The following PCGF5 variants were observed in gnomAD, a reference collection of about 807,000 sequenced individuals.
PCGF5 encodes the protein polycomb group ring finger 5.
PCGF5 carries 9 observed loss-of-function variants against 44.3 expected under a neutral mutation model. That is an observed-to-expected ratio of 0.20 (90% confidence interval 0.12 to 0.35). The LOEUF (loss-of-function observed/expected upper bound fraction) is 0.35, where lower values mean the gene tolerates loss of function less well. Among genes scored for constraint, PCGF5 ranks in the 10% least tolerant of loss-of-function variants. PCGF5 has a pLI of 1.00. For synonymous variants in PCGF5, 95 were observed against 102.5 expected (o/e 0.93, Z 0.44); for missense variants, 146 against 305.3 (o/e 0.48, Z 3.89).
At position 91,222,827 on chromosome 10, in the gene PCGF5, C is replaced by T; in HGVS notation, c.-45C>T. On this transcript the variant is annotated 5_prime_UTR_variant, in exon 2 of 10. Transcript: ENST00000336126. Reference sequence around the variant, plus strand: ...GGATCAGACTTTCATCTACTTAGGACCCCTCTTTGCCCAGACTACTAAAGC... The same window carrying T: ...GGATCAGACTTTCATCTACTTAGGATCCCTCTTTGCCCAGACTACTAAAGC... The T allele has an allele frequency of 8.6e-7, 1 of 1,168,466 alleles. No homozygotes were observed. The highest frequency in any genetic ancestry group is 1.3e-6 in the Non-Finnish European group (1 of 776,048). The allele number at this position is 1,168,466 out of a possible 1,614,324, so 72.4% of individuals were successfully genotyped here. A position where few individuals can be genotyped will look rare whatever the true frequency, so the allele number is the denominator to read the frequency against.
chr10:91,239,915 T>C (rs533093081), intron 2 of PCGF5, among the ~76,000 whole-genome samples: 21 of 152,212 alleles, frequency 1.4e-4, no homozygotes, highest in Non-Finnish European at 2.4e-4. Context: ...CCCAACTTGA[T>C]ACCATTATTC....
chr10:91,228,424 A>C (rs185741176), intron 2 of PCGF5, among the ~76,000 whole-genome samples: 6 of 152,156 alleles, frequency 3.9e-5, no homozygotes, highest in Non-Finnish European at 8.8e-5. Context: ...TCTGTGGTAC[A>C]GAAAAGGAAA....
intron 1 of PCGF5, among the ~76,000 whole-genome samples, chr10:91,192,271 G>A (rs932966387): frequency 6.6e-6 from 1 of 152,226 alleles, no homozygotes; most frequent in South Asian, 2.1e-4. Flanking sequence ...ATACATTTGA[G>A]ACAAGATTAA....
intron 6 of PCGF5, among the ~76,000 whole-genome samples, chr10:91,260,574 C>T (rs373541718): frequency 5.9e-5 from 9 of 151,872 alleles, no homozygotes; most frequent in East Asian, 1.9e-4. Flanking sequence ...TGTCCAACAA[C>T]GATAAACTGG....
chr10:91,227,280 G>A, intron 2 of PCGF5: 1 of 511,936 alleles, frequency 2.0e-6, no homozygotes, highest in South Asian at 1.5e-5. Context: ...TGAGACTTCA[G>A]CTACCTGTGC....
intron 8 of PCGF5, among the ~76,000 whole-genome samples, chr10:91,264,969 G>A (rs1034162423): frequency 4.6e-5 from 7 of 151,980 alleles, no homozygotes; most frequent in Admixed American, 6.6e-5. Context: ...CCTCCTTTTC[G>A]TTGAAAATAT....
At chr10:91,226,122 C>T (rs745694623) in intron 2 of PCGF5, among the ~76,000 whole-genome samples, 1 of 151,654 alleles carries the variant, frequency 6.6e-6, no homozygotes, top group African/African-American at 2.4e-5. Flanking sequence ...AATGAGTAAA[C>T]GCTAGGTTTT....
At chr10:91,182,052 T>C (rs9663247) in intron 1 of PCGF5, among the ~76,000 whole-genome samples, 141,448 of 152,258 alleles carry the variant, frequency 0.93, 65,787 homozygotes, top group African/African-American at 0.97. Flanking sequence ...TTATCAATTT[T>C]TTCTAGATTT....
chr10:91,204,668 T>A (rs1289407684), intron 1 of PCGF5, among the ~76,000 whole-genome samples: 1 of 152,184 alleles, frequency 6.6e-6, no homozygotes, highest in Non-Finnish European at 1.5e-5. Flanking sequence ...GCTCTGAGGA[T>A]AAAAATAGTT....
In PCGF5 at chr10:91,185,494, G is replaced by A. The variant is rs1225196876; in HGVS notation, c.-184+22413G>A. 2.0e-5 allele frequency among the ~76,000 whole-genome samples: 3 copies of A among 152,206 alleles called. No individual in the cohort carries two copies. In the East Asian group the frequency reaches 5.8e-4, roughly 29 times the overall value. The stretch of plus-strand genomic sequence containing the variant: ...TGTCATCCTGTGAGGTGCCGTGGAA[G>A]TGAGGCCCGCTGACCATCACTGCTG... On this transcript the variant is annotated intron_variant, in intron 1 of 9. Coordinates refer to the PCGF5 transcript ENST00000614189.
chr10:91,213,019 C>T (rs187978906), intron 1 of PCGF5, among the ~76,000 whole-genome samples: 72 of 152,284 alleles, frequency 4.7e-4, no homozygotes, highest in African/African-American at 1.7e-3. Context: ...AGTTATACTT[C>T]CTAAGCGCTG....
chr10:91,207,073 C>T (rs1844361382), intron 1 of PCGF5, among the ~76,000 whole-genome samples: 2 of 152,176 alleles, frequency 1.3e-5, no homozygotes, highest in South Asian at 2.1e-4. Flanking sequence ...AACATAGCCT[C>T]GCCCACTGTA....
the PCGF5 span, among the ~76,000 whole-genome samples, chr10:91,156,232 C>G: frequency 0.077 from 11,673 of 152,080 alleles, 511 homozygotes; most frequent in Non-Finnish European, 0.1. Flanking sequence ...GTGCCACATA[C>G]AAGGCAGAAA....
chr10:91,278,149 A>G, intron 9 of PCGF5, 120 bp from the exon 10 acceptor site: 10 of 774,338 alleles, frequency 1.3e-5, no homozygotes, highest in Non-Finnish European at 2.1e-5. Flanking sequence ...TAACTGTTGT[A>G]ATCACTAGTA....
chr10:91,157,764 T>A, the PCGF5 span, among the ~76,000 whole-genome samples: 1 of 152,214 alleles, frequency 6.6e-6, no homozygotes, highest in East Asian at 1.9e-4. Flanking sequence ...GGACACATGA[T>A]AAGAGGATGG....
intron 2 of PCGF5, among the ~76,000 whole-genome samples, chr10:91,231,969 G>T (rs188251928): frequency 6.6e-6 from 1 of 152,174 alleles, no homozygotes. Flanking sequence ...ATGTCCATTT[G>T]GGAGTTGGAC....
chr10:91,264,599 C>A, intron 8 of PCGF5, 79 bp downstream of exon 8: 1 of 1,096,738 alleles, frequency 9.1e-7, no homozygotes. Flanking sequence ...ATATTAGAAA[C>A]TAAAAAAGAC....
chr10:91,176,111 G>GA (rs770426193), intron 1 of PCGF5, among the ~76,000 whole-genome samples: 1 of 152,252 alleles, frequency 6.6e-6, no homozygotes, highest in East Asian at 1.9e-4. Context: ...GCCTGGTGGT[G>GA]AAAAAATCTC....
At chr10:91,230,193 T>G (rs77410927) in intron 2 of PCGF5, among the ~76,000 whole-genome samples, 1 of 152,194 alleles carries the variant, frequency 6.6e-6, no homozygotes. Context: ...ATCTTCTATA[T>G]TGACTTATGA....
Sources: allele counts gnomAD v4.1 joint callset (sites outside exome capture counted in the v4.1 genomes callset), GRCh38; gene constraint gnomAD v4.1.1; transcripts MANE v1.5; gene names NCBI Gene and HGNC (gene_info 2026-07-23, HGNC 2026-07-21).